CHD7: variants seen among roughly 807,000 people sequenced by gnomAD.
The protein encoded by CHD7 is chromodomain helicase DNA binding protein 7.
A neutral mutation model predicts 307.3 loss-of-function variants in CHD7; 24 were observed. That is an observed-to-expected ratio of 0.08 (90% CI 0.06 to 0.11). CHD7 has a LOEUF of 0.11. Ranked by LOEUF, CHD7 falls within the 10% of genes least tolerant of loss-of-function variation. CHD7 has a pLI of 1.00. For synonymous variants in CHD7, 1,363 were observed against 1,349.9 expected (o/e 1.01, Z -0.21); for missense variants, 3,106 against 3,727.1 (o/e 0.83, Z 4.34).
intron 2 of CHD7, among the ~76,000 whole-genome samples, chr8:60,765,115 T>G (rs1810401979): frequency 6.6e-6 from 1 of 152,118 alleles, no homozygotes; most frequent in South Asian, 2.1e-4. Context: ...CATTAACATT[T>G]GAAGGTGTCG....
intron 1 of CHD7, among the ~76,000 whole-genome samples, chr8:60,682,505 T>C (rs1366819752): frequency 6.6e-6 from 1 of 152,216 alleles, no homozygotes; most frequent in Non-Finnish European, 1.5e-5. Context: ...CAAGTTAGTG[T>C]AGTTCTTTCA....
chr8:60,856,543 G>A lies in CHD7; in HGVS notation c.7263G>A (p.Met2421Ile). The stretch of plus-strand genomic sequence containing the variant: ...GAGCTGCCAAGAGGCGAAATCTCAT[G>A]GAGATGGTTGCCCAGCTTCGAGAGT... ...AERAAKRRNLMEMVAQLRESQ... is the reference protein window; with the variant it reads ...AERAAKRRNLIEMVAQLRESQ... Residue 2421 changes from methionine to isoleucine, a missense_variant, in exon 34 of 38, where the codon ATG becomes ATA. This residue lies in a region of CHD7 where 1,030 missense variants were observed against 1,165.4 expected (regional missense o/e 0.88). Coordinates refer to ENST00000423902, the MANE Select transcript of CHD7 (RefSeq NM_017780.4). 1 of 1,614,026 alleles carries A rather than the reference G, an allele frequency of 6.2e-7. No homozygotes were observed. Among genetic ancestry groups the A allele is most frequent in the Non-Finnish European group, 8.5e-7 (1 of 1,179,902 alleles).
intron 1 of CHD7, among the ~76,000 whole-genome samples, chr8:60,690,002 G>A (rs966283093): frequency 1.3e-5 from 2 of 152,094 alleles, no homozygotes; most frequent in Non-Finnish European, 2.9e-5. Context: ...CTTGTTCCTC[G>A]TATTTGCGTT....
chr8:60,792,375 G>A (rs1563604482), intron 3 of CHD7, among the ~76,000 whole-genome samples: 1 of 152,142 alleles, frequency 6.6e-6, no homozygotes, highest in Non-Finnish European at 1.5e-5. Context: ...AATGTTGGAG[G>A]GTGGACACTG....
chr8:60,797,309 G>A (rs922213181), intron 4 of CHD7, among the ~76,000 whole-genome samples: 7 of 152,058 alleles, frequency 4.6e-5, no homozygotes, highest in African/African-American at 2.4e-5. Context: ...TGTATTTTGG[G>A]GTGTTTTTAC....
At chr8:60,749,533 A>T (rs1207061148) in intron 2 of CHD7, among the ~76,000 whole-genome samples, 2 of 152,138 alleles carry the variant, frequency 1.3e-5, no homozygotes, top group Non-Finnish European at 2.9e-5. Context: ...TGGAGAGCAG[A>T]TGTATCTTGT....
intron 1 of CHD7, among the ~76,000 whole-genome samples, chr8:60,680,965 A>G (rs1345857729): frequency 6.6e-6 from 1 of 151,542 alleles, no homozygotes; most frequent in African/African-American, 2.4e-5. Context: ...CTGATTTTTT[A>G]TTTTCTAAAA....
At chr8:60,772,351 A>G (rs1005799542) in intron 2 of CHD7, among the ~76,000 whole-genome samples, 2 of 152,236 alleles carry the variant, frequency 1.3e-5, no homozygotes. Context: ...TAGGAACAGC[A>G]TAGTAAGTTA....
chr8:60,739,384 C>T (rs899249691), intron 1 of CHD7, among the ~76,000 whole-genome samples: 1 of 152,158 alleles, frequency 6.6e-6, no homozygotes, highest in Non-Finnish European at 1.5e-5. Context: ...TGACTGACTG[C>T]TTAGCCTTCT....
intron 32 of CHD7, chr8:60,855,210 G>T (rs1050905490): frequency 4.6e-5 from 7 of 152,124 alleles, no homozygotes; most frequent in Non-Finnish European, 2.9e-5. Context: ...AAGAAACAAG[G>T]TGAAAATTTT....
intron 37 of CHD7, chr8:60,864,101 G>A (rs1056870503): frequency 6.6e-6 from 1 of 151,298 alleles, no homozygotes; most frequent in African/African-American, 2.4e-5. Flanking sequence ...TATATGCAAG[G>A]TGTACAGCAC....
intron 12 of CHD7, among the ~76,000 whole-genome samples, chr8:60,823,407 A>G (rs545791193): frequency 6.9e-6 from 1 of 144,752 alleles, no homozygotes; most frequent in Non-Finnish European, 1.5e-5. Context: ...AGATAGATAG[A>G]TAGATAGATA....
rs770959300 is a variant in CHD7, at chr8:60,856,478, C to T, written c.7198C>T (p.Arg2400Trp). ...DALNLSVPRQRRRRRRKIEIE... is the reference protein window; with the variant it reads ...DALNLSVPRQWRRRRRKIEIE... ...CCTCAACCTCTCTGTCCCTCGCCAG[C>T]GGAGGAGGAGGAGGAGAAAAATCGA... Residue 2400 changes from arginine to tryptophan, a missense_variant, in exon 34 of 38, where the codon CGG (arginine) becomes TGG (tryptophan). Around this residue, in one of 10 missense-constraint regions of CHD7, gnomAD observed 1,030 missense variants for 1,165.4 expected, o/e 0.88. Transcript: ENST00000423902. 16 of 1,612,708 alleles carry T rather than the reference C, an allele frequency of 9.9e-6. 1 individual carries two copies. Among genetic ancestry groups the T allele is most frequent in the South Asian group, 2.2e-5 (2 of 90,980 alleles).
intron 2 of CHD7, among the ~76,000 whole-genome samples, chr8:60,773,523 C>T (rs917600020): frequency 2.6e-5 from 4 of 152,008 alleles, no homozygotes; most frequent in Non-Finnish European, 5.9e-5. Context: ...GATAAACAGG[C>T]TGTTTCAACT....
At position 60,781,310 on chromosome 8, in the gene CHD7, C is replaced by A. The variant is rs1392393644; in HGVS notation, c.1976C>A (p.Pro659His). 2 of 1,568,358 alleles carry A rather than the reference C, an allele frequency of 1.3e-6. No individual in the cohort carries two copies. Among genetic ancestry groups the A allele is most frequent in the Non-Finnish European group, 1.7e-6 (2 of 1,157,732 alleles). The change falls in exon 3 of 38, where the codon CCC becomes CAC. Residue 659 changes from proline to histidine, a missense_variant. Pro to His is a moderately conservative substitution (Grantham distance 77). Transcript: ENST00000423902. ...AAAGACCCGAAGGAACCGAAAGAAC[C>A]CAAGGAGAAAAAAGAGCCCAAGGAA... ...AKKDPKEPKE[P>H]KEKKEPKEPK...
intron 9 of CHD7, 86 bp from the exon 10 acceptor site, chr8:60,821,704 G>A (rs1804049049): frequency 1.8e-6 from 2 of 1,141,952 alleles, no homozygotes; most frequent in Admixed American, 2.8e-5. Flanking sequence ...ATATCTATAT[G>A]TATAAACATA....
intron 1 of CHD7, among the ~76,000 whole-genome samples, chr8:60,722,180 A>G: frequency 6.6e-6 from 1 of 152,188 alleles, no homozygotes; most frequent in East Asian, 1.9e-4. Flanking sequence ...CTTAAAAGCC[A>G]GGCAGTTTAG....
Position 60,848,542 on chromosome 8 carries a change from C to T in CHD7, c.5238C>T (p.Tyr1746=). 1 of 1,613,656 alleles carries T rather than the reference C, an allele frequency of 6.2e-7. No individual in the cohort carries two copies. The highest frequency in any genetic ancestry group is 8.5e-7 in the Non-Finnish European group (1 of 1,179,700). Residue 1746 remains tyrosine, a synonymous_variant, in exon 24 of 38, where the codon TAC becomes TAT. Transcript: ENST00000423902. Reference sequence around the variant, plus strand: ...TCCTGCTGCGTGTCCGCATGCTGTACTACCTAAGACAAGAAGTGATAGGAG... The same window carrying T: ...TCCTGCTGCGTGTCCGCATGCTGTATTACCTAAGACAAGAAGTGATAGGAG... ...NKVLLRVRML[Y]YLRQEVIGDQ...
chr8:60,787,588 C>T (rs923233474), intron 3 of CHD7, among the ~76,000 whole-genome samples: 1 of 151,996 alleles, frequency 6.6e-6, no homozygotes, highest in African/African-American at 2.4e-5. Context: ...AGACAACACC[C>T]TTAAACTTCC....
Sources: gnomAD v4.1 joint callset for allele counts (sites outside exome capture counted in the v4.1 genomes callset) on GRCh38, gnomAD v4.1.1 for gene constraint, gnomAD v4.1.1 regional missense constraint, MANE v1.5 for transcripts, NCBI Gene and HGNC (gene_info 2026-07-23, HGNC 2026-07-21) for gene names.